GNAS-AS1: variants seen among roughly 807,000 people sequenced by gnomAD.
GNAS-AS1 encodes the protein GNAS antisense RNA 1 (non-protein coding).
In GNAS-AS1 at chr20:58,840,366, A is replaced by G. The variant is rs1308990262; in HGVS notation, n.819+1571T>C. The G allele has an allele frequency of 1.9e-6, 3 of 1,613,278 alleles. No homozygotes were observed. The Admixed American group carries it at 5.0e-5, about 27-fold the overall frequency. The stretch of plus-strand genomic sequence containing the variant: ...TCCCCCGAATCGGAATCTGACCACG[A>G]GCACGAGGAGGCAGACCTTGAGCTG... On this transcript the variant is annotated intron_variant and non_coding_transcript_variant, in intron 4 of 4. Coordinates refer to ENST00000424094, the Ensembl canonical transcript of GNAS-AS1. The surrounding 1 kb of genome is among the most constrained non-coding windows in gnomAD (Gnocchi z 6.0).
Position 58,840,077 on chromosome 20 carries a change from A to AG in GNAS-AS1, n.819+1859dup, listed in dbSNP as rs768318168. On this transcript the variant is annotated intron_variant and non_coding_transcript_variant, in intron 4 of 4. Coordinates refer to ENST00000424094, the Ensembl canonical transcript of GNAS-AS1. This position sits in a 1 kb window ranked among gnomAD's most constrained non-coding sequence, Gnocchi z 6.0. ...GCCACTCTCTGCAGAGCCAGAGGGC[A>AG]GGCCGGCTTCTCGGTGTGTGCCTAA... 1.9e-6 allele frequency: 3 copies of AG among 1,607,336 alleles called. No individual in the cohort carries two copies. Among genetic ancestry groups the AG allele is most frequent in the Non-Finnish European group, 2.5e-6 (3 of 1,179,622 alleles).
chr20:58,847,210 C>A lies in GNAS-AS1; in HGVS notation n.413+1669G>T, dbSNP rs1212441573. ...CACGATGGGGGCTTTTTAATCTGAG[C>A]ATATCAAGTATTTTCATAAAGACTT... On this transcript the variant is annotated intron_variant and non_coding_transcript_variant, in intron 2 of 4. Coordinates refer to ENST00000424094, the Ensembl canonical transcript of GNAS-AS1. Among the ~76,000 whole-genome samples the A allele has an allele frequency of 2.0e-5, 3 of 152,138 alleles. No individual in the cohort carries two copies. In the South Asian group the frequency reaches 6.3e-4, roughly 32 times the overall value.
intron 4 of GNAS-AS1, among the ~76,000 whole-genome samples, chr20:58,830,602 A>G (rs1351220089): frequency 8.0e-6 from 1 of 125,180 alleles, no homozygotes; most frequent in Non-Finnish European, 1.6e-5. Flanking sequence ...CACCACCACC[A>G]CCATCACCAC....
intron 4 of GNAS-AS1, chr20:58,838,916 CAA>C (rs766172876): frequency 0.066 from 15,921 of 242,046 alleles, no homozygotes; most frequent in Middle Eastern, 0.088. Flanking sequence ...GATTCTGTCT[CAA>C]AAAAAAAAAA....
chr20:58,844,279 C>A (rs75507818), intron 2 of GNAS-AS1, among the ~76,000 whole-genome samples: 4,028 of 152,268 alleles, frequency 0.026, 76 homozygotes, highest in Middle Eastern at 0.054. Context: ...AATTAAGCTT[C>A]CAGGCCAGTG....
At chr20:58,825,848 A>T (rs2085516176) in intron 4 of GNAS-AS1, among the ~76,000 whole-genome samples, 1 of 152,152 alleles carries the variant, frequency 6.6e-6, no homozygotes, top group Admixed American at 6.5e-5. Flanking sequence ...AGAGGCTGCA[A>T]TGCTCCCGGC....
Position 58,840,937 on chromosome 20 carries a change from C to A in GNAS-AS1, n.819+1000G>T, listed in dbSNP as rs2085694235. The A allele has an allele frequency of 1.9e-6, 3 of 1,594,632 alleles. No homozygotes were observed. Among genetic ancestry groups the A allele is most frequent in the Non-Finnish European group, 2.6e-6 (3 of 1,167,828 alleles). On this transcript the variant is annotated intron_variant and non_coding_transcript_variant, in intron 4 of 4. Coordinates refer to ENST00000424094, the Ensembl canonical transcript of GNAS-AS1. This position sits in a 1 kb window ranked among gnomAD's most constrained non-coding sequence, Gnocchi z 6.0. ...GAGCCTGAGGGCGGTGTGGGAGCAG[C>A]GCAGGTGGAAAGGAGGTGAGAAGGA...
Position 58,838,739 on chromosome 20 carries a change from G to A in GNAS-AS1, n.819+3198C>T, listed in dbSNP as rs1027961682. On this transcript the variant is annotated intron_variant and non_coding_transcript_variant, in intron 4 of 4. Transcript: ENST00000424094. ...TTGAAACCAGCCTGGCCAATATGGC[G>A]AAACCCCTCTCTACTAAAACTACAA... is the stretch of plus-strand genomic sequence containing the variant. The A allele has an allele frequency of 2.1e-5, 7 of 331,444 alleles. No individual in the cohort carries two copies. The South Asian group carries it at 4.7e-4, about 22-fold the overall frequency. The allele number at this position is 331,444 out of a possible 1,614,324, so 20.5% of individuals were successfully genotyped here. A position where few individuals can be genotyped will look rare whatever the true frequency, so the allele number is the denominator to read the frequency against.
intron 4 of GNAS-AS1, among the ~76,000 whole-genome samples, chr20:58,830,292 C>CCACCACCGCCA (rs2085548893): frequency 7.4e-6 from 1 of 134,302 alleles, no homozygotes; most frequent in African/African-American, 2.9e-5. Context: ...ACCACCATCA[C>CCACCACCGCCA]CACCACCATC....
In GNAS-AS1 at chr20:58,841,440, C is replaced by A. The variant is rs1244274861; in HGVS notation, n.819+497G>T. On this transcript the variant is annotated intron_variant and non_coding_transcript_variant, in intron 4 of 4. Transcript: ENST00000424094. The surrounding 1 kb of genome is among the most constrained non-coding windows in gnomAD (Gnocchi z 5.0). ...GACTGACCACCCGGGAGGGAAGTCACGCGCGCGCGGCGCCTAAGCAGCTCA... is the reference window on the plus strand; with the variant it reads ...GACTGACCACCCGGGAGGGAAGTCAAGCGCGCGCGGCGCCTAAGCAGCTCA... 7.1e-6 allele frequency: 7 copies of A among 990,752 alleles called. No individual in the cohort carries two copies. Among genetic ancestry groups the A allele is most frequent in the Non-Finnish European group, 8.4e-6 (7 of 833,456 alleles). The allele number at this position is 990,752 out of a possible 1,614,324, so 61.4% of individuals were successfully genotyped here.
chr20:58,829,583 G>A (rs1023904223), intron 4 of GNAS-AS1, among the ~76,000 whole-genome samples: 1 of 152,202 alleles, frequency 6.6e-6, no homozygotes, highest in African/African-American at 2.4e-5. Flanking sequence ...TTCCGCCAGA[G>A]AGCTGGCAAA....
At chr20:58,830,573 A>AG (rs1404827826) in intron 4 of GNAS-AS1, among the ~76,000 whole-genome samples, 1 of 41,242 alleles carries the variant, frequency 2.4e-5, no homozygotes, top group Admixed American at 2.5e-4. Flanking sequence ...CACCACCACC[A>AG]CACCACCACC....
chr20:58,825,559 T>C (rs1158893264), intron 4 of GNAS-AS1, among the ~76,000 whole-genome samples: 1 of 152,164 alleles, frequency 6.6e-6, no homozygotes, highest in Non-Finnish European at 1.5e-5. Context: ...CCAATGTATT[T>C]ACATAAAAAA....
chr20:58,845,683 T>G (rs1040662250), intron 2 of GNAS-AS1, among the ~76,000 whole-genome samples: 1 of 152,252 alleles, frequency 6.6e-6, no homozygotes, highest in East Asian at 1.9e-4. Flanking sequence ...TTCCCTTGTT[T>G]AAAAATCTCA....
intron 4 of GNAS-AS1, among the ~76,000 whole-genome samples, chr20:58,820,376 G>A (rs923686401): frequency 2.6e-5 from 4 of 152,332 alleles, no homozygotes; most frequent in African/African-American, 4.8e-5. Flanking sequence ...CACAGTAACC[G>A]GAGCCATACC....
chr20:58,848,649 G>A (rs77425686), intron 2 of GNAS-AS1, among the ~76,000 whole-genome samples: 2,618 of 152,256 alleles, frequency 0.017, 69 homozygotes, highest in African/African-American at 0.06. Context: ...TCTTGAGCTA[G>A]CAAAATTATC....
intron 4 of GNAS-AS1, chr20:58,839,434 T>TC: frequency 7.5e-6 from 3 of 400,112 alleles, no homozygotes; most frequent in Non-Finnish European, 1.3e-5. Flanking sequence ...TGTGTTTATT[T>TC]CCCCAATAAC....
intron 2 of GNAS-AS1, among the ~76,000 whole-genome samples, chr20:58,846,293 A>G (rs536570912): frequency 6.6e-6 from 1 of 152,258 alleles, no homozygotes; most frequent in East Asian, 1.9e-4. Context: ...TCTGGTGGCT[A>G]AGGGGGTTAG....
intron 4 of GNAS-AS1, among the ~76,000 whole-genome samples, chr20:58,836,684 C>T (rs2085605450): frequency 6.6e-6 from 1 of 152,220 alleles, no homozygotes; most frequent in African/African-American, 2.4e-5. Context: ...TTTTTAAAGT[C>T]ACGCACGTAA....
Sources: gnomAD v4.1 joint callset for allele counts (sites outside exome capture counted in the v4.1 genomes callset) on GRCh38, gnomAD v4.1.1 for gene constraint, Gnocchi (gnomAD v3.1) non-coding constraint, MANE v1.5 for transcripts, NCBI Gene and HGNC (gene_info 2026-07-23, HGNC 2026-07-21) for gene names.